The following ACKR2 variants were observed in gnomAD, a reference collection of about 807,000 sequenced individuals.
The protein encoded by ACKR2 is atypical chemokine receptor 2.
For synonymous variants in ACKR2, 207 were observed against 192.2 expected (o/e 1.08, Z -0.64); for missense variants, 457 against 477.3 (o/e 0.96, Z 0.40).
intron 2 of ACKR2, among the ~76,000 whole-genome samples, chr3:42,838,748 C>T (rs1048837906): frequency 3.3e-5 from 5 of 152,092 alleles, no homozygotes; most frequent in Non-Finnish European, 5.9e-5. Context: ...AAGATCTGCA[C>T]GTGAATGTTT....
intron 1 of ACKR2, among the ~76,000 whole-genome samples, chr3:42,816,815 C>T (rs1256028031): frequency 2.0e-5 from 3 of 152,114 alleles, no homozygotes; most frequent in African/African-American, 7.2e-5. Context: ...ACCTCAGCCT[C>T]CCAAAGTGCT....
intron 2 of ACKR2, among the ~76,000 whole-genome samples, chr3:42,831,389 T>C (rs1700930238): frequency 6.6e-6 from 1 of 152,194 alleles, no homozygotes; most frequent in Admixed American, 6.5e-5. Context: ...CTTTGTGACG[T>C]TAAAACATTT....
At chr3:42,850,132 G>A (rs1290610362) in intron 2 of ACKR2, among the ~76,000 whole-genome samples, 1 of 152,082 alleles carries the variant, frequency 6.6e-6, no homozygotes, top group Non-Finnish European at 1.5e-5. Flanking sequence ...GGCTCTTGTT[G>A]GGCAGCTCCT....
At chr3:42,811,469 A>G (rs1700693684) in intron 1 of ACKR2, among the ~76,000 whole-genome samples, 1 of 152,234 alleles carries the variant, frequency 6.6e-6, no homozygotes, top group Non-Finnish European at 1.5e-5. Flanking sequence ...AACCAGGGGC[A>G]TAACGAACTG....
In ACKR2 at chr3:42,864,875, A is replaced by C; in HGVS notation, c.373A>C (p.Thr125Pro). 6.2e-7 allele frequency: 1 copy of C among 1,614,004 alleles called. No individual in the cohort carries two copies. Among genetic ancestry groups the C allele is most frequent in the Admixed American group, 1.7e-5 (1 of 60,004 alleles). ...GTGCAAGATGGTGAGCACTCTTTAT[A>C]CTATTAACTTTTACAGTGGCATCTT... ...FLCKMVSTLYTINFYSGIFFI... is the reference protein window; with the variant it reads ...FLCKMVSTLYPINFYSGIFFI... The change falls in exon 3 of 3, where the codon ACT becomes CCT. Residue 125 changes from threonine (T) to proline (P), a missense_variant. Transcript: ENST00000422265.
chr3:42,852,892 A>T lies in ACKR2; in HGVS notation c.-37-11574A>T, dbSNP rs993594365. Among the ~76,000 whole-genome samples the T allele has an allele frequency of 6.6e-6, 1 of 152,054 alleles. No individual in the cohort carries two copies. Among genetic ancestry groups the T allele is most frequent in the African/African-American group, 2.4e-5 (1 of 41,388 alleles). On this transcript the variant is annotated intron_variant, in intron 2 of 2. Coordinates refer to ENST00000422265, the MANE Select transcript of ACKR2 (RefSeq NM_001296.5). The surrounding 1 kb of genome is among the most constrained non-coding windows in gnomAD (Gnocchi z 4.3). ...ACATGTTAAAAAAGTAAGGAGAGAG[A>T]GTGTGCCGTGATCTGGAATCAGAGG...
rs1464384056 is a variant in ACKR2, at chr3:42,814,119, G to T, written c.-119+4587G>T. Among the ~76,000 whole-genome samples, 3 of 152,288 alleles carry T rather than the reference G, an allele frequency of 2.0e-5. No individual in the cohort carries two copies. The East Asian group carries it at 5.8e-4, about 29-fold the overall frequency. On this transcript the variant is annotated intron_variant, in intron 1 of 2. Coordinates refer to ENST00000422265, the MANE Select transcript of ACKR2 (RefSeq NM_001296.5). ...ATAAATATCTGAAACATAATCAGATGATTCAGTCAATTTTTGGTGAAGATT... is the reference window on the plus strand; with the variant it reads ...ATAAATATCTGAAACATAATCAGATTATTCAGTCAATTTTTGGTGAAGATT...
In ACKR2 at chr3:42,820,746, C is replaced by T. The variant is rs528433747; in HGVS notation, c.-38+1035C>T. ...ACAGTAAAAAAAAAAAAAAAAAAAG[C>T]TAGTAACCTTGGCCTGTTGCCTAGT... On this transcript the variant is annotated intron_variant, in intron 2 of 2. Coordinates refer to ENST00000422265, the MANE Select transcript of ACKR2 (RefSeq NM_001296.5). Among the ~76,000 whole-genome samples the T allele has an allele frequency of 3.6e-3, 481 of 134,178 alleles. 3 individuals carry two copies. The highest frequency in any genetic ancestry group is 5.6e-3 in the Non-Finnish European group (355 of 63,386). The allele number at this position is 134,178 out of a possible 152,430, so 88.0% of individuals were successfully genotyped here. A position where few individuals can be genotyped will look rare whatever the true frequency, so the allele number is the denominator to read the frequency against.
intron 2 of ACKR2, among the ~76,000 whole-genome samples, chr3:42,820,423 C>T (rs1285334796): frequency 6.6e-6 from 1 of 151,898 alleles, no homozygotes; most frequent in Non-Finnish European, 1.5e-5. Flanking sequence ...GAAACCCCAT[C>T]TCTACTAAAA....
rs34544490 is a variant in ACKR2, at chr3:42,820,725, T to TAAA, written c.-38+1031_-38+1033dup. Among the ~76,000 whole-genome samples the TAAA allele has an allele frequency of 6.5e-3, 654 of 100,476 alleles. 6 individuals are homozygous for TAAA. The highest frequency in any genetic ancestry group is 0.024 in the African/African-American group (630 of 25,912). 65.9% of individuals were successfully genotyped at this position (100,476 alleles called of 152,430 possible). ...AAGATTATGAGCACTAAAATAACAGTAAAAAAAAAAAAAAAAAAAGCTAGT... is the reference window on the plus strand; with the variant it reads ...AAGATTATGAGCACTAAAATAACAGTAAAAAAAAAAAAAAAAAAAAAAGCTAGT... On this transcript the variant is annotated intron_variant, in intron 2 of 2. Coordinates refer to ENST00000422265, the MANE Select transcript of ACKR2 (RefSeq NM_001296.5).
intron 2 of ACKR2, among the ~76,000 whole-genome samples, chr3:42,863,416 T>A (rs985574138): frequency 1.2e-4 from 18 of 152,064 alleles, no homozygotes; most frequent in Non-Finnish European, 2.2e-4. Flanking sequence ...TTGGTGGGAG[T>A]GTAAATTAGT....
chr3:42,834,202 C>A (rs1051567326), intron 2 of ACKR2, among the ~76,000 whole-genome samples: 3 of 152,188 alleles, frequency 2.0e-5, no homozygotes, highest in Non-Finnish European at 2.9e-5. Context: ...AGGTGATCCA[C>A]CTGCCTCGGC....
chr3:42,857,225 A>G (rs2088330593), intron 2 of ACKR2, among the ~76,000 whole-genome samples: 1 of 152,116 alleles, frequency 6.6e-6, no homozygotes, highest in African/African-American at 2.4e-5. Context: ...TATCTTGTAC[A>G]TATTTTTATG....
In ACKR2 at chr3:42,865,341, T is replaced by G; in HGVS notation, c.839T>G (p.Val280Gly). 1 of 1,614,216 alleles carries G rather than the reference T, an allele frequency of 6.2e-7. No individual in the cohort carries two copies. Among genetic ancestry groups the G allele is most frequent in the Non-Finnish European group, 8.5e-7 (1 of 1,180,026 alleles). ...LFLHTLLDLQ[V>G]FGNCEVSQHL... ...CTGCATACGCTGTTGGACCTGCAAG[T>G]ATTCGGGAACTGTGAGGTCAGCCAG... The change falls in exon 3 of 3, where the codon GTA (valine) becomes GGA (glycine). Residue 280 changes from valine to glycine, a missense_variant. Coordinates refer to ENST00000422265, the MANE Select transcript of ACKR2 (RefSeq NM_001296.5).
chr3:42,809,455 T>C lies in ACKR2; in HGVS notation c.-196T>C, dbSNP rs1213802190. ...AGATTCTTGAACTTTCTTTCGATTG[T>C]AGCATTTCTCCTTTCAGGATACAGT... On this transcript the variant is annotated 5_prime_UTR_variant, in exon 1 of 3. Coordinates refer to ENST00000422265, the MANE Select transcript of ACKR2 (RefSeq NM_001296.5). The C allele has an allele frequency of 6.6e-6, 1 of 152,232 alleles. No homozygotes were observed. Among genetic ancestry groups the C allele is most frequent in the Non-Finnish European group, 1.5e-5 (1 of 68,042 alleles). 9.4% of individuals were successfully genotyped at this position (152,232 alleles called of 1,614,324 possible).
At chr3:42,827,966 A>G (rs913310775) in intron 2 of ACKR2, among the ~76,000 whole-genome samples, 7 of 152,058 alleles carry the variant, frequency 4.6e-5, no homozygotes, top group African/African-American at 1.7e-4. Flanking sequence ...AGTCTTCTCC[A>G]TAAAATAAAC....
chr3:42,823,733 A>AT (rs1290600566), intron 2 of ACKR2, among the ~76,000 whole-genome samples: 1 of 152,184 alleles, frequency 6.6e-6, no homozygotes, highest in Non-Finnish European at 1.5e-5. Flanking sequence ...AAACCTATAC[A>AT]TTTTTGCGGA....
At chr3:42,847,971 C>T (rs1000943975) in intron 2 of ACKR2, among the ~76,000 whole-genome samples, 5 of 152,104 alleles carry the variant, frequency 3.3e-5, no homozygotes, top group Admixed American at 6.6e-5. Flanking sequence ...GCCCTGCATA[C>T]CAGGGAGTGT....
chr3:42,819,255 A>G (rs1250842980), intron 1 of ACKR2, among the ~76,000 whole-genome samples: 2 of 152,212 alleles, frequency 1.3e-5, no homozygotes, highest in Non-Finnish European at 2.9e-5. Flanking sequence ...TAAAGTTAGA[A>G]ACTCATAATT....
Sources: gnomAD v4.1 joint callset for allele counts (sites outside exome capture counted in the v4.1 genomes callset) on GRCh38, gnomAD v4.1.1 for gene constraint, Gnocchi (gnomAD v3.1) non-coding constraint, MANE v1.5 for transcripts, NCBI Gene and HGNC (gene_info 2026-07-23, HGNC 2026-07-21) for gene names.